Variants in SLC10A7 observed in about 807,000 individuals in gnomAD.
SLC10A7 encodes solute carrier family 10 member 7, also known as sodium/bile acid cotransporter 7.
SLC10A7 carries 29 observed loss-of-function variants against 43.2 expected under a neutral mutation model. The observed-to-expected ratio is 0.67, with a 90% CI of 0.50 to 0.92. SLC10A7 has a LOEUF of 0.92. SLC10A7 is among the 40% of genes least tolerant of loss of function. SLC10A7 has a pLI of 0.00. For missense variants in SLC10A7, 295 were observed against 403.2 expected (o/e 0.73, Z 2.30); for synonymous variants, 152 against 144.8 (o/e 1.05, Z -0.35).
intron 5 of SLC10A7, among the ~76,000 whole-genome samples, chr4:146,411,269 G>A (rs1231535792): frequency 3.3e-5 from 5 of 152,072 alleles, no homozygotes; most frequent in Non-Finnish European, 5.9e-5. Flanking sequence ...ACAGACCACC[G>A]TGGTGCCCTA....
chr4:146,456,153 C>G (rs1055056378), intron 4 of SLC10A7, among the ~76,000 whole-genome samples: 1 of 151,024 alleles, frequency 6.6e-6, no homozygotes, highest in Non-Finnish European at 1.5e-5. Flanking sequence ...AGAACAAGCA[C>G]AGGAAAGAAA....
chr4:146,519,332 T>C (rs947600533), intron 1 of SLC10A7, among the ~76,000 whole-genome samples: 2 of 145,252 alleles, frequency 1.4e-5, no homozygotes, highest in South Asian at 2.1e-4. Flanking sequence ...TTTAACATAA[T>C]ATATAATATT....
At chr4:146,457,253 G>T (rs918584974) in intron 4 of SLC10A7, among the ~76,000 whole-genome samples, 1 of 150,924 alleles carries the variant, frequency 6.6e-6, no homozygotes, top group Non-Finnish European at 1.5e-5. Context: ...TTTAATTTTT[G>T]TGGGTACATA....
chr4:146,500,590 CA>C (rs779276137), intron 4 of SLC10A7, among the ~76,000 whole-genome samples: 26 of 152,120 alleles, frequency 1.7e-4, no homozygotes, highest in Non-Finnish European at 3.4e-4. Context: ...ATTACTCCAG[CA>C]TACACACTCT....
intron 5 of SLC10A7, among the ~76,000 whole-genome samples, chr4:146,392,842 C>G (rs1026553215): frequency 2.0e-5 from 3 of 152,136 alleles, no homozygotes; most frequent in Admixed American, 2.0e-4. Flanking sequence ...ACAAAACCCA[C>G]AAGACACTGC....
intron 10 of SLC10A7, among the ~76,000 whole-genome samples, chr4:146,273,182 T>A (rs1728998366): frequency 6.6e-6 from 1 of 152,166 alleles, no homozygotes; most frequent in Admixed American, 6.5e-5. Flanking sequence ...CTGTACAATA[T>A]GTGGGATTTT....
At chr4:146,434,550 G>C (rs1004340522) in intron 5 of SLC10A7, among the ~76,000 whole-genome samples, 1 of 151,998 alleles carries the variant, frequency 6.6e-6, no homozygotes, top group Admixed American at 6.6e-5. Flanking sequence ...ACTGCATTAC[G>C]TGAAGTTGTT....
chr4:146,276,967 C>T (rs1403412389), intron 10 of SLC10A7, among the ~76,000 whole-genome samples: 3 of 151,752 alleles, frequency 2.0e-5, no homozygotes, highest in Admixed American at 2.0e-4. Context: ...AAAAAATCCA[C>T]TGAAAAAGGG....
intron 11 of SLC10A7, chr4:146,256,820 G>C: frequency 6.6e-7 from 1 of 1,523,214 alleles, no homozygotes. Flanking sequence ...AGGCACTCAT[G>C]GATACCTGGA....
chr4:146,332,148 T>C (rs1681905383), intron 5 of SLC10A7, among the ~76,000 whole-genome samples: 1 of 152,166 alleles, frequency 6.6e-6, no homozygotes, highest in Admixed American at 6.5e-5. Flanking sequence ...CTTCACAGAC[T>C]AAGGATCTTA....
chr4:146,410,007 G>C (rs1235741669), intron 5 of SLC10A7, among the ~76,000 whole-genome samples: 1 of 152,170 alleles, frequency 6.6e-6, no homozygotes, highest in African/African-American at 2.4e-5. Flanking sequence ...ATAAATTGCA[G>C]ATGTTAATAG....
chr4:146,293,402 C>T (rs6537411), intron 8 of SLC10A7, among the ~76,000 whole-genome samples: 70,699 of 151,982 alleles, frequency 0.47, 16,721 homozygotes, highest in Admixed American at 0.56. Context: ...CAAAAGGTTG[C>T]TTTTTGAGCT....
intron 3 of SLC10A7, among the ~76,000 whole-genome samples, chr4:146,504,329 C>T (rs1736698220): frequency 6.6e-6 from 1 of 151,928 alleles, no homozygotes; most frequent in African/African-American, 2.4e-5. Flanking sequence ...ACCATCCTGG[C>T]TAACACAGTG....
chr4:146,369,524 C>A (rs1390846889), intron 5 of SLC10A7, among the ~76,000 whole-genome samples: 2 of 152,144 alleles, frequency 1.3e-5, no homozygotes. Flanking sequence ...TATTTCTTTA[C>A]TGGTGATATT....
chr4:146,345,168 C>T (rs1228687174), intron 5 of SLC10A7, among the ~76,000 whole-genome samples: 3 of 152,076 alleles, frequency 2.0e-5, no homozygotes, highest in African/African-American at 7.2e-5. Context: ...TAAACAGTGA[C>T]GTGGGAACCA....
intron 5 of SLC10A7, among the ~76,000 whole-genome samples, chr4:146,414,654 C>T (rs758391965): frequency 2.4e-4 from 37 of 151,378 alleles, no homozygotes; most frequent in Non-Finnish European, 4.4e-4. Context: ...ACCCAGGAGA[C>T]GGAGGTTGCA....
At chr4:146,472,277 G>A (rs1291684981) in intron 4 of SLC10A7, among the ~76,000 whole-genome samples, 1 of 152,094 alleles carries the variant, frequency 6.6e-6, no homozygotes, top group Non-Finnish European at 1.5e-5. Context: ...ATACATACCA[G>A]TGTTAGGAAG....
At chr4:146,372,156 GC>G (rs1736832491) in intron 5 of SLC10A7, among the ~76,000 whole-genome samples, 1 of 152,070 alleles carries the variant, frequency 6.6e-6, no homozygotes, top group Non-Finnish European at 1.5e-5. Flanking sequence ...CTGTTTTTTA[GC>G]ACAGTTACAA....
chr4:146,343,573 A>T (rs1402902171), intron 5 of SLC10A7, among the ~76,000 whole-genome samples: 5 of 152,030 alleles, frequency 3.3e-5, no homozygotes, highest in Non-Finnish European at 7.4e-5. Flanking sequence ...GAAAATATTA[A>T]TGATGTGGGA....
Sources: gnomAD v4.1 joint callset for allele counts (sites outside exome capture counted in the v4.1 genomes callset) on GRCh38, gnomAD v4.1.1 for gene constraint, MANE v1.5 for transcripts, NCBI Gene and HGNC (gene_info 2026-07-23, HGNC 2026-07-21) for gene names.